ANO10: variants seen among roughly 807,000 people sequenced by gnomAD.
The protein encoded by ANO10 is anoctamin 10, also known as anoctamin-10.
Under a neutral mutation model 74.7 loss-of-function variants are expected in ANO10, and 77 were observed. The ratio of observed to expected loss-of-function variants is 1.03; its 90% CI spans 0.86 to 1.25. ANO10 has a LOEUF of 1.25. Among genes scored for constraint, ANO10 ranks in the 50% most tolerant of loss-of-function variants. ANO10 has a pLI of 0.00. For synonymous variants in ANO10, 279 were observed against 284.9 expected (o/e 0.98, Z 0.21); for missense variants, 721 against 778.1 (o/e 0.93, Z 0.87).
intron 6 of ANO10, 60 bp downstream of exon 6, chr3:43,576,632 T>C: frequency 1.3e-6 from 2 of 1,558,740 alleles, no homozygotes; most frequent in Admixed American, 3.4e-5. Flanking sequence ...GTGAATCCCA[T>C]GATCTAGGCA....
At chr3:43,642,195 T>C (rs532339005) in intron 1 of ANO10, among the ~76,000 whole-genome samples, 1 of 152,354 alleles carries the variant, frequency 6.6e-6, no homozygotes, top group African/African-American at 2.4e-5. Context: ...AATTTCTCAA[T>C]GCAAATTTAA....
At chr3:43,667,703 T>C (rs1438437364) in intron 1 of ANO10, among the ~76,000 whole-genome samples, 1 of 152,200 alleles carries the variant, frequency 6.6e-6, no homozygotes, top group African/African-American at 2.4e-5. Context: ...TTTGGTTTTC[T>C]ACTGCTGAGT....
At chr3:43,472,929 T>C (rs1339000718) in intron 11 of ANO10, among the ~76,000 whole-genome samples, 1 of 152,232 alleles carries the variant, frequency 6.6e-6, no homozygotes, top group African/African-American at 2.4e-5. Context: ...ATGGTCTGTA[T>C]GTGCATGTAT....
chr3:43,642,675 C>A (rs1262118453), intron 1 of ANO10, among the ~76,000 whole-genome samples: 1 of 152,066 alleles, frequency 6.6e-6, no homozygotes. Flanking sequence ...TCACTTCATT[C>A]CCCCCACCTC....
intron 11 of ANO10, among the ~76,000 whole-genome samples, chr3:43,518,698 C>T (rs371607213): frequency 6.6e-6 from 1 of 152,074 alleles, no homozygotes; most frequent in Non-Finnish European, 1.5e-5. Flanking sequence ...TCTTATATGT[C>T]GATAAGGGAT....
upstream of ANO10, among the ~76,000 whole-genome samples, chr3:43,622,888 T>A (rs1430238845): frequency 6.6e-6 from 1 of 152,186 alleles, no homozygotes; most frequent in Non-Finnish European, 1.5e-5. Flanking sequence ...TGTTTTGAGA[T>A]AGAGCCTCGC....
chr3:43,555,605 C>G, intron 9 of ANO10, 136 bp from the exon 10 acceptor site: 1 of 784,248 alleles, frequency 1.3e-6, no homozygotes, highest in Non-Finnish European at 2.0e-6. Flanking sequence ...CAGTGTTTCT[C>G]CAACTTCTGA....
At chr3:43,563,192 C>T (rs1445158161) in intron 8 of ANO10, among the ~76,000 whole-genome samples, 2 of 152,108 alleles carry the variant, frequency 1.3e-5, no homozygotes, top group African/African-American at 2.4e-5. Context: ...AAGACATTTA[C>T]ATAGCCACAG....
chr3:43,481,708 C>T (rs1261978328), intron 11 of ANO10, among the ~76,000 whole-genome samples: 3 of 152,204 alleles, frequency 2.0e-5, no homozygotes, highest in East Asian at 3.9e-4. Flanking sequence ...TAATCTTAAC[C>T]CAGACAGTCC....
intron 1 of ANO10, among the ~76,000 whole-genome samples, chr3:43,658,244 G>A (rs1394563297): frequency 1.3e-5 from 2 of 152,074 alleles, no homozygotes; most frequent in Non-Finnish European, 2.9e-5. Context: ...GAAATGGATA[G>A]GTCATCGAGA....
chr3:43,410,936 A>ATCAGTT (rs2092654470), intron 12 of ANO10, among the ~76,000 whole-genome samples: 1 of 151,718 alleles, frequency 6.6e-6, no homozygotes, highest in African/African-American at 2.4e-5. Flanking sequence ...TTCCTGAATA[A>ATCAGTT]ACGACTGCAG....
chr3:43,411,243 T>C (rs1032917547), intron 12 of ANO10, among the ~76,000 whole-genome samples: 9 of 152,226 alleles, frequency 5.9e-5, no homozygotes, highest in Admixed American at 5.2e-4. Flanking sequence ...TATTGGAAGC[T>C]ACACTAAGAA....
chr3:43,628,171 C>T (rs568378569), intron 1 of ANO10, among the ~76,000 whole-genome samples: 5 of 152,232 alleles, frequency 3.3e-5, no homozygotes, highest in African/African-American at 9.6e-5. Context: ...GGAGGTGTTG[C>T]GGGAAGTCAG....
intron 1 of ANO10, among the ~76,000 whole-genome samples, chr3:43,670,013 C>A (rs558702481): frequency 6.6e-6 from 1 of 152,030 alleles, no homozygotes; most frequent in Non-Finnish European, 1.5e-5. Context: ...CATGAGCCAC[C>A]GCGCCCAGCT....
intron 11 of ANO10, among the ~76,000 whole-genome samples, chr3:43,497,332 A>G (rs1407765705): frequency 2.0e-5 from 3 of 152,196 alleles, no homozygotes; most frequent in Non-Finnish European, 4.4e-5. Flanking sequence ...AAGATAGAAA[A>G]CTTTAATAGT....
intron 1 of ANO10, among the ~76,000 whole-genome samples, chr3:43,678,797 A>C (rs2084156370): frequency 1.3e-5 from 2 of 152,232 alleles, no homozygotes; most frequent in Admixed American, 6.5e-5. Context: ...AGCCATTATA[A>C]GTTGGGGACT....
intron 11 of ANO10, among the ~76,000 whole-genome samples, chr3:43,461,276 TAAAC>T (rs1438884553): frequency 1.4e-4 from 22 of 152,064 alleles, no homozygotes; most frequent in African/African-American, 5.1e-4. Context: ...TTAGATGACA[TAAAC>T]AAATAAGGAA....
chr3:43,665,571 A>T (rs1371872496), intron 1 of ANO10, among the ~76,000 whole-genome samples: 1 of 152,124 alleles, frequency 6.6e-6, no homozygotes, highest in Non-Finnish European at 1.5e-5. Flanking sequence ...GGTGATCTTA[A>T]GGCACTTATT....
intron 7 of ANO10, among the ~76,000 whole-genome samples, chr3:43,572,676 G>A (rs935382797): frequency 3.3e-5 from 5 of 152,186 alleles, no homozygotes; most frequent in Non-Finnish European, 7.3e-5. Context: ...CCCTGCTCAA[G>A]AACCTATAGC....
Sources: allele counts gnomAD v4.1 joint callset (sites outside exome capture counted in the v4.1 genomes callset), GRCh38; gene constraint gnomAD v4.1.1; transcripts MANE v1.5; gene names NCBI Gene and HGNC (gene_info 2026-07-23, HGNC 2026-07-21).